Variants in RASGRF1 observed in about 807,000 individuals in gnomAD.
RASGRF1 encodes the protein Ras protein specific guanine nucleotide releasing factor 1.
Under a neutral mutation model 138.7 loss-of-function variants are expected in RASGRF1, and 40 were observed. The ratio of observed to expected loss-of-function variants is 0.29; its 90% CI spans 0.22 to 0.38. The LOEUF (loss-of-function observed/expected upper bound fraction) is 0.38. Among genes scored for constraint, RASGRF1 ranks in the 10% least tolerant of loss-of-function variants. RASGRF1 has a pLI of 1.00. For synonymous variants in RASGRF1, 614 were observed against 663.2 expected (o/e 0.93, Z 1.14); for missense variants, 1,108 against 1,650.4 (o/e 0.67, Z 5.69).
At chr15:79,014,074 A>AT (rs1567519391) in intron 13 of RASGRF1, among the ~76,000 whole-genome samples, 1 of 151,900 alleles carries the variant, frequency 6.6e-6, no homozygotes, top group Admixed American at 6.6e-5. Context: ...AATAAAAAAA[A>AT]TTTTTAAAAA....
At chr15:79,003,598 C>A (rs183076333) in intron 15 of RASGRF1, among the ~76,000 whole-genome samples, 11 of 152,236 alleles carry the variant, frequency 7.2e-5, no homozygotes, top group African/African-American at 2.2e-4. Flanking sequence ...TGCCTCCCCC[C>A]GCAGCCTGGG....
intron 24 of RASGRF1, among the ~76,000 whole-genome samples, chr15:78,976,245 C>T (rs1187972156): frequency 6.6e-6 from 1 of 152,112 alleles, no homozygotes. Flanking sequence ...AAGTAGCACG[C>T]CCAGCCCCAG....
rs1432438812 is a variant in RASGRF1 at position 78,999,877 on chromosome 15, A to T, written c.2612T>A (p.Met871Lys). 1 of 1,614,050 alleles carries T rather than the reference A, an allele frequency of 6.2e-7. No homozygotes were observed. Among genetic ancestry groups the T allele is most frequent in the Non-Finnish European group, 8.5e-7 (1 of 1,179,992 alleles). The part of the protein sequence containing the change: ...PLFSYNNGVV[M>K]TSCRELDNNR... ...ATTGTCCAGTTCACGACAGGAGGTC[A>T]TGACGACTCCATTGTTATAGGAAAA... Residue 871 changes from methionine (M) to lysine (K), a missense_variant, in exon 17 of 27, where the codon ATG (methionine) becomes AAG (lysine). Around this residue, in one of 3 missense-constraint regions of RASGRF1, gnomAD observed 686 missense variants for 976.7 expected, o/e 0.70. Coordinates refer to ENST00000558480, the MANE Select transcript of RASGRF1 (RefSeq NM_001145648.3).
chr15:79,066,027 A>G (rs1482190507), intron 1 of RASGRF1, among the ~76,000 whole-genome samples: 1 of 151,812 alleles, frequency 6.6e-6, no homozygotes, highest in African/African-American at 2.4e-5. Context: ...GGGGCTATAG[A>G]ATGAAATGTC....
At position 79,034,130 on chromosome 15, in the gene RASGRF1, C is replaced by A. The variant is rs1022024608; in HGVS notation, c.958+1001G>T. 5.9e-5 allele frequency among the ~76,000 whole-genome samples: 9 copies of A among 152,306 alleles called. 1 individual carries two copies. The highest frequency in any genetic ancestry group is 1.9e-4 in the African/African-American group (8 of 41,568). The stretch of plus-strand genomic sequence containing the variant: ...TACTTCCCCCTGGGAAGCCTCCATG[C>A]CTGAGGGCAAGGGAGCTCTGGAGAG... On this transcript the variant is annotated intron_variant, in intron 6 of 26. Coordinates refer to ENST00000558480, the MANE Select transcript of RASGRF1 (RefSeq NM_001145648.3).
At chr15:79,044,692 G>A (rs898797496) in intron 5 of RASGRF1, among the ~76,000 whole-genome samples, 4 of 152,164 alleles carry the variant, frequency 2.6e-5, no homozygotes, top group Non-Finnish European at 5.9e-5. Flanking sequence ...TCTATCTTGA[G>A]GTCTATCGTG....
intron 16 of RASGRF1, among the ~76,000 whole-genome samples, chr15:79,000,684 A>G (rs1255093971): frequency 2.6e-5 from 4 of 152,324 alleles, no homozygotes; most frequent in African/African-American, 9.6e-5. Context: ...CTGGAAAGCA[A>G]TCCAGACTAC....
intron 24 of RASGRF1, among the ~76,000 whole-genome samples, chr15:78,976,646 C>G (rs978429325): frequency 6.6e-6 from 1 of 152,144 alleles, no homozygotes; most frequent in Non-Finnish European, 1.5e-5. Flanking sequence ...GGACAGAGGA[C>G]TGCTGGAGGG....
chr15:78,987,872 T>C (rs1227602164), intron 22 of RASGRF1, among the ~76,000 whole-genome samples: 1 of 152,176 alleles, frequency 6.6e-6, no homozygotes, highest in Non-Finnish European at 1.5e-5. Flanking sequence ...TTTTGCTCTC[T>C]GGGAACCTTG....
chr15:78,989,243 C>A (rs1451461208), intron 22 of RASGRF1, among the ~76,000 whole-genome samples: 1 of 152,112 alleles, frequency 6.6e-6, no homozygotes, highest in Non-Finnish European at 1.5e-5. Flanking sequence ...ACTTAGTGTG[C>A]CAATCAGAGT....
chr15:78,975,345 G>A (rs1372955815), intron 24 of RASGRF1, among the ~76,000 whole-genome samples: 1 of 150,260 alleles, frequency 6.7e-6, no homozygotes, highest in Non-Finnish European at 1.5e-5. Context: ...ATATGCATTT[G>A]TATACAGGCT....
At chr15:79,085,062 CT>C (rs1450488907) in intron 1 of RASGRF1, among the ~76,000 whole-genome samples, 2 of 152,182 alleles carry the variant, frequency 1.3e-5, no homozygotes, top group Non-Finnish European at 2.9e-5. Flanking sequence ...TCTCCTGGTG[CT>C]TACATTCCAG....
At chr15:79,041,648 G>A (rs902367694) in intron 5 of RASGRF1, among the ~76,000 whole-genome samples, 6 of 152,188 alleles carry the variant, frequency 3.9e-5, no homozygotes, top group African/African-American at 1.4e-4. Flanking sequence ...CCTGACTGCA[G>A]GACATGTTCA....
intron 19 of RASGRF1, among the ~76,000 whole-genome samples, chr15:78,996,729 T>C (rs2056401363): frequency 6.7e-6 from 1 of 149,052 alleles, no homozygotes; most frequent in Non-Finnish European, 1.5e-5. Flanking sequence ...CGGCTGTGTG[T>C]GTGTGTGCGT....
intron 3 of RASGRF1, among the ~76,000 whole-genome samples, chr15:79,055,713 C>T (rs1470291430): frequency 2.6e-5 from 4 of 152,194 alleles, no homozygotes; most frequent in Non-Finnish European, 5.9e-5. Flanking sequence ...AGGCCACGTG[C>T]AACATAAACC....
rs201039870 is a variant in RASGRF1, at chr15:78,973,433, C to T, written c.3495-13G>A. 1.5e-4 allele frequency: 239 copies of T among 1,555,684 alleles called. No homozygotes were observed. The highest frequency in any genetic ancestry group is 1.9e-4 in the Admixed American group (11 of 57,242). Reference sequence around the variant, plus strand: ...GGGTGGGTCACAACTTGGAAGCAAACGGCATTAACACAAGTTTTTCATTTT... The same window carrying T: ...GGGTGGGTCACAACTTGGAAGCAAATGGCATTAACACAAGTTTTTCATTTT... On this transcript the variant is annotated splice_polypyrimidine_tract_variant and intron_variant, in intron 24 of 26. Coordinates refer to ENST00000558480, the MANE Select transcript of RASGRF1 (RefSeq NM_001145648.3). The surrounding 1 kb of genome is among the most constrained non-coding windows in gnomAD (Gnocchi z 4.9).
At chr15:79,017,627 G>T in intron 12 of RASGRF1, 143 bp downstream of exon 12, 1 of 1,108,174 alleles carries the variant, frequency 9.0e-7, no homozygotes. Context: ...TAGGGCTGTG[G>T]ACTTGGAAGA....
At chr15:79,040,187 C>A (rs1026700236) in intron 5 of RASGRF1, among the ~76,000 whole-genome samples, 1 of 152,056 alleles carries the variant, frequency 6.6e-6, no homozygotes, top group Non-Finnish European at 1.5e-5. Flanking sequence ...AAATAGCAGC[C>A]CTTCCCACCA....
chr15:78,993,257 G>T (rs1196006529), intron 20 of RASGRF1, among the ~76,000 whole-genome samples: 1 of 148,214 alleles, frequency 6.7e-6, no homozygotes, highest in Non-Finnish European at 1.5e-5. Context: ...CGTGGTGTGT[G>T]TGGTGTGGTG....
Sources: allele counts gnomAD v4.1 joint callset (sites outside exome capture counted in the v4.1 genomes callset), GRCh38; gene constraint gnomAD v4.1.1; regional missense constraint gnomAD v4.1.1; non-coding constraint Gnocchi (gnomAD v3.1); transcripts MANE v1.5; gene names NCBI Gene and HGNC (gene_info 2026-07-23, HGNC 2026-07-21).